The following WWTR1 variants were observed in gnomAD, a reference collection of about 807,000 sequenced individuals.
WWTR1 encodes the protein WW domain containing transcription regulator 1.
A neutral mutation model predicts 40.1 loss-of-function variants in WWTR1; 13 were observed. The ratio of observed to expected loss-of-function variants is 0.32; its 90% confidence interval spans 0.21 to 0.52. The LOEUF is 0.52. Among genes scored for constraint, WWTR1 ranks in the 20% least tolerant of loss-of-function variants. The pLI is 0.97. For synonymous variants in WWTR1, 230 were observed against 210.1 expected (o/e 1.09, Z -0.82); for missense variants, 436 against 523.1 (o/e 0.83, Z 1.63).
At chr3:149,650,228 A>G (rs1712785824) in intron 2 of WWTR1, 1 of 152,248 alleles carries the variant, frequency 6.6e-6, no homozygotes, top group African/African-American at 2.4e-5. Flanking sequence ...CCACTCCACC[A>G]CCACAGTTAT....
chr3:149,546,979 C>T (rs1177699030), intron 3 of WWTR1, among the ~76,000 whole-genome samples: 1 of 152,136 alleles, frequency 6.6e-6, no homozygotes, highest in African/African-American at 2.4e-5. Context: ...TATGCTCCCT[C>T]TAGTTGTTTA....
At position 149,544,539 on chromosome 3, in the gene WWTR1, C is replaced by A. The variant is rs146270378; in HGVS notation, c.569-2002G>T. Among the ~76,000 whole-genome samples the A allele has an allele frequency of 6.6e-5, 10 of 152,232 alleles. No homozygotes were observed. In the East Asian group the frequency reaches 1.5e-3, roughly 24 times the overall value. ...TGAAACTGTTAGGCTACATAAGGAA[C>A]CTGGGAGATTATCTAGTCCATCCCC... On this transcript the variant is annotated intron_variant, in intron 3 of 6. Transcript: ENST00000360632.
intron 5 of WWTR1, among the ~76,000 whole-genome samples, chr3:149,711,319 T>G (rs1715472951): frequency 6.6e-6 from 1 of 152,114 alleles, no homozygotes; most frequent in South Asian, 2.1e-4. Context: ...AAAAAATTAT[T>G]AAGTTGAATT....
At chr3:149,683,309 G>A (rs1280414690) in intron 1 of WWTR1, among the ~76,000 whole-genome samples, 1 of 152,210 alleles carries the variant, frequency 6.6e-6, no homozygotes, top group African/African-American at 2.4e-5. Flanking sequence ...TAGTGAGATT[G>A]TTAGTTTTCA....
At chr3:149,528,796 A>G (rs1231264378) in intron 4 of WWTR1, among the ~76,000 whole-genome samples, 1 of 152,110 alleles carries the variant, frequency 6.6e-6, no homozygotes, top group Non-Finnish European at 1.5e-5. Flanking sequence ...AAAAAAGTCA[A>G]TCTATTTGAC....
chr3:149,582,451 C>T (rs1327272727), intron 2 of WWTR1, among the ~76,000 whole-genome samples: 3 of 151,792 alleles, frequency 2.0e-5, no homozygotes, highest in East Asian at 3.9e-4. Context: ...ATAGTCCAGA[C>T]ACAGTGGCTC....
intron 1 of WWTR1, 133 bp from the exon 2 acceptor site, chr3:149,657,442 G>A: frequency 1.9e-6 from 2 of 1,067,796 alleles, no homozygotes; most frequent in Non-Finnish European, 2.6e-6. Context: ...ATAATTGCCC[G>A]CCTGGAGATC....
chr3:149,532,615 A>C (rs542131296), intron 4 of WWTR1, among the ~76,000 whole-genome samples: 2 of 152,194 alleles, frequency 1.3e-5, no homozygotes, highest in Non-Finnish European at 2.9e-5. Flanking sequence ...CAACTCATGA[A>C]CTGAAAGAGA....
Position 149,596,811 on chromosome 3 carries a change from ATATT to A in WWTR1, c.432-23815_432-23812del, listed in dbSNP as rs1306856898. Among the ~76,000 whole-genome samples, 13 of 152,312 alleles carry A rather than the reference ATATT, an allele frequency of 8.5e-5. No individual in the cohort carries two copies. The East Asian group carries it at 2.5e-3, about 29-fold the overall frequency. ...CAGTTTCTACATCTATACAGTGGAG[ATATT>A]GCACAGTGGTTAAGACGTCTGGAAT... is the stretch of plus-strand genomic sequence containing the variant. On this transcript the variant is annotated intron_variant, in intron 2 of 6. Coordinates refer to ENST00000360632, the MANE Select transcript of WWTR1 (RefSeq NM_015472.6).
intron 2 of WWTR1, among the ~76,000 whole-genome samples, chr3:149,605,606 G>T (rs187315424): frequency 3.9e-5 from 6 of 152,296 alleles, no homozygotes; most frequent in South Asian, 4.1e-4. Flanking sequence ...GCAAGTAGAC[G>T]TGTTTAATGG....
chr3:149,716,908 A>G (rs57258810), intron 5 of WWTR1, among the ~76,000 whole-genome samples: 6,836 of 152,282 alleles, frequency 0.045, 253 homozygotes, highest in East Asian at 0.14. Context: ...CAAGCATAGC[A>G]GCTCATACCT....
chr3:149,695,734 C>G (rs1714963280), intron 1 of WWTR1, among the ~76,000 whole-genome samples: 1 of 144,164 alleles, frequency 6.9e-6, no homozygotes, highest in Admixed American at 7.0e-5. Flanking sequence ...GCACTCCAGC[C>G]TGGGCGACAG....
At chr3:149,639,907 C>T (rs1333040606) in intron 2 of WWTR1, among the ~76,000 whole-genome samples, 3 of 147,012 alleles carry the variant, frequency 2.0e-5, no homozygotes, top group Non-Finnish European at 4.5e-5. Context: ...GGCAAGAGAA[C>T]GTTGTGAACC....
intron 2 of WWTR1, among the ~76,000 whole-genome samples, chr3:149,592,465 G>A (rs983535769): frequency 4.6e-5 from 7 of 152,106 alleles, no homozygotes; most frequent in Admixed American, 2.6e-4. Flanking sequence ...CCTATCCAAA[G>A]GCACTGAATA....
intron 2 of WWTR1, among the ~76,000 whole-genome samples, chr3:149,615,225 T>C (rs1225704872): frequency 6.6e-6 from 1 of 152,244 alleles, no homozygotes; most frequent in Non-Finnish European, 1.5e-5. Flanking sequence ...GAAATACCTA[T>C]AATTCAGCTC....
chr3:149,660,107 C>A (rs1205901863), upstream of WWTR1: 1 of 152,130 alleles, frequency 6.6e-6, no homozygotes, highest in East Asian at 1.9e-4. Context: ...AAAGGGGAAA[C>A]TAGCACAGGT....
chr3:149,636,424 A>T (rs762259920), intron 2 of WWTR1, among the ~76,000 whole-genome samples: 3 of 152,246 alleles, frequency 2.0e-5, no homozygotes, highest in Non-Finnish European at 2.9e-5. Flanking sequence ...CATCAAGTGG[A>T]ATGTGGAAAT....
At chr3:149,661,729 TAA>T (rs200060698), upstream of WWTR1, among the ~76,000 whole-genome samples, 5,090 of 134,856 alleles carry the variant, frequency 0.038, 307 homozygotes, top group African/African-American at 0.13. Flanking sequence ...CGGCCACAAA[TAA>T]AGTTTTTTTT....
At chr3:149,534,071 G>A (rs560644422) in intron 4 of WWTR1, among the ~76,000 whole-genome samples, 77 of 152,312 alleles carry the variant, frequency 5.1e-4, no homozygotes, top group Middle Eastern at 3.4e-3. Context: ...TTGGGAGGCT[G>A]AGGCAGGAGA....
Sources: allele counts gnomAD v4.1 joint callset (sites outside exome capture counted in the v4.1 genomes callset), GRCh38; gene constraint gnomAD v4.1.1; transcripts MANE v1.5; gene names NCBI Gene and HGNC (gene_info 2026-07-23, HGNC 2026-07-21).